MAGOH: variants seen among roughly 807,000 people sequenced by gnomAD.
MAGOH encodes protein mago nashi homolog.
In MAGOH, 3 loss-of-function variants were observed where a neutral mutation model predicts 20.9. The ratio of observed to expected loss-of-function variants is 0.14; its 90% confidence interval spans 0.07 to 0.37. The LOEUF (loss-of-function observed/expected upper bound fraction) is 0.37. Ranked by LOEUF, MAGOH falls within the 10% of genes least tolerant of loss-of-function variation. MAGOH has a pLI of 1.00. For missense variants in MAGOH, 66 were observed against 178.1 expected, an observed-to-expected ratio of 0.37 and a Z score of 3.58; for synonymous variants, 51 against 61.0, an observed-to-expected ratio of 0.84 and a Z score of 0.76.
At chr1:53,237,366 C>T (rs186822943) in intron 1 of MAGOH, among the ~76,000 whole-genome samples, 1 of 151,670 alleles carries the variant, frequency 6.6e-6, no homozygotes, top group African/African-American at 2.4e-5. Context: ...GATCACATTT[C>T]TTCTCTGCTT....
At position 53,232,829 on chromosome 1, in the gene MAGOH, G is replaced by A. The variant is rs114407886; in HGVS notation, c.258+713C>T. 2.9e-3 allele frequency among the ~76,000 whole-genome samples: 449 copies of A among 152,322 alleles called. 3 individuals are homozygous for A. Among genetic ancestry groups the A allele is most frequent in the African/African-American group, 0.011 (437 of 41,568 alleles). Reference sequence around the variant, plus strand: ...TTTAAAGATCAGACCAGTAGGATGCGGCGGCTTACGCCTGTAACCACAGCA... The same window carrying A: ...TTTAAAGATCAGACCAGTAGGATGCAGCGGCTTACGCCTGTAACCACAGCA... On this transcript the variant is annotated intron_variant, in intron 3 of 4. Coordinates refer to ENST00000371470, the MANE Select transcript of MAGOH (RefSeq NM_002370.4).
Position 53,227,169 on chromosome 1 carries a change from T to C in MAGOH, c.342-25A>G, listed in dbSNP as rs768487401. The C allele has an allele frequency of 3.5e-6, 5 of 1,435,238 alleles. No individual in the cohort carries two copies. The African/African-American group carries it at 7.2e-5, about 21-fold the overall frequency. 88.9% of individuals were successfully genotyped at this position (1,435,238 alleles called of 1,614,324 possible). ...CCTAAAATACAAAAGGAAAAAAGTTTAGGCATTAAAACTTTGACCCATCAA... is the reference window on the plus strand; with the variant it reads ...CCTAAAATACAAAAGGAAAAAAGTTCAGGCATTAAAACTTTGACCCATCAA... On this transcript the variant is annotated intron_variant, in intron 4 of 4. Transcript: ENST00000371470.
chr1:53,236,475 C>T (rs1645611005), intron 1 of MAGOH, among the ~76,000 whole-genome samples: 1 of 152,244 alleles, frequency 6.6e-6, no homozygotes, highest in African/African-American at 2.4e-5. Context: ...ATTCTTCTCT[C>T]ACACAGCTGA....
chr1:53,235,454 A>G, intron 2 of MAGOH, 123 bp downstream of exon 2: 1 of 800,170 alleles, frequency 1.2e-6, no homozygotes, highest in Non-Finnish European at 2.1e-6. Context: ...GAAGCTGTCT[A>G]CAGACATGTG....
In MAGOH at chr1:53,228,865, C is replaced by T; in HGVS notation, c.341+7G>A. The T allele has an allele frequency of 6.3e-7, 1 of 1,594,424 alleles. No homozygotes were observed. Among genetic ancestry groups the T allele is most frequent in the Non-Finnish European group, 8.6e-7 (1 of 1,162,186 alleles). On this transcript the variant is annotated splice_region_variant and intron_variant, in intron 4 of 4. Transcript: ENST00000371470. Reference sequence around the variant, plus strand: ...CACAACTGGATATAAGGATCATGCACACTTACTTGGATTGATTGACATCAA... The same window carrying T: ...CACAACTGGATATAAGGATCATGCATACTTACTTGGATTGATTGACATCAA...
At chr1:53,232,593 G>A (rs1450727633) in intron 3 of MAGOH, among the ~76,000 whole-genome samples, 2 of 152,200 alleles carry the variant, frequency 1.3e-5, no homozygotes, top group Non-Finnish European at 2.9e-5. Context: ...TAAAGTTAAA[G>A]GAAGAATATT....
intron 3 of MAGOH, 62 bp downstream of exon 3, chr1:53,233,480 A>C (rs1645596108): frequency 1.8e-6 from 2 of 1,107,316 alleles, no homozygotes; most frequent in Middle Eastern, 4.0e-4. Flanking sequence ...TAAGTGGAGG[A>C]GGGAGTGTGG....
rs1448534219 is a variant in MAGOH, at chr1:53,237,146, A to C, written c.88+1215T>G. 1.6e-4 allele frequency among the ~76,000 whole-genome samples: 24 copies of C among 148,796 alleles called. No homozygotes were observed. The Admixed American group carries it at 1.6e-3, about 10-fold the overall frequency. ...GTATTTTTAGTAGAGGCGGGGTTTC[A>C]CCATGTTGGCCAGGCTGGTCTTGAA... On this transcript the variant is annotated intron_variant, in intron 1 of 4. Transcript: ENST00000371470.
At chr1:53,228,196 C>T (rs1251520214) in intron 4 of MAGOH, among the ~76,000 whole-genome samples, 1 of 152,112 alleles carries the variant, frequency 6.6e-6, no homozygotes, top group Non-Finnish European at 1.5e-5. Context: ...CTTTGGGAGG[C>T]CGAGGCAGGC....
At chr1:53,236,920 TCTA>T (rs1645612968) in intron 1 of MAGOH, among the ~76,000 whole-genome samples, 1 of 151,760 alleles carries the variant, frequency 6.6e-6, no homozygotes, top group Non-Finnish European at 1.5e-5. Context: ...TCTCTCCATT[TCTA>T]CTATCTCTGT....
intron 3 of MAGOH, among the ~76,000 whole-genome samples, chr1:53,231,147 T>TC (rs1645584472): frequency 6.6e-6 from 1 of 152,248 alleles, no homozygotes. Context: ...ATCTCACTGT[T>TC]GTCCTTTCAT....
At position 53,233,632 on chromosome 1, in the gene MAGOH, C is replaced by T; in HGVS notation, c.168G>A (p.Val56=). Reference sequence around the variant, plus strand: ...CAATTATTCTCTTCAGTTCCTCCATCACGCTTTTATGTACATAAGCCTGAA... The same window carrying T: ...CAATTATTCTCTTCAGTTCCTCCATTACGCTTTTATGTACATAAGCCTGAA... ...IRKEAYVHKS[V]MEELKRIIDD... The change falls in exon 3 of 5, where the codon GTG becomes GTA. Residue 56 remains valine (V), a synonymous_variant. Transcript: ENST00000371470. 6.2e-7 allele frequency: 1 copy of T among 1,613,634 alleles called. No individual in the cohort carries two copies. The highest frequency in any genetic ancestry group is 1.1e-5 in the South Asian group (1 of 91,064).
At chr1:53,237,854 T>C (rs1203697220) in intron 1 of MAGOH, among the ~76,000 whole-genome samples, 2 of 151,932 alleles carry the variant, frequency 1.3e-5, no homozygotes, top group Non-Finnish European at 2.9e-5. Context: ...CCTGCAGCCT[T>C]GACATCTGGT....
Position 53,228,973 on chromosome 1 carries a change from A to G in MAGOH, c.259-19T>C. The G allele has an allele frequency of 1.3e-6, 2 of 1,539,030 alleles. No individual in the cohort carries two copies. Among genetic ancestry groups the G allele is most frequent in the Non-Finnish European group, 1.8e-6 (2 of 1,112,136 alleles). On this transcript the variant is annotated intron_variant, in intron 3 of 4. Coordinates refer to ENST00000371470, the MANE Select transcript of MAGOH (RefSeq NM_002370.4). Reference sequence around the variant, plus strand: ...CAAGCTCCTAGAAACATTTTAGAAAATCGAAGTCAAGTAGAATTGGATTAT... The same window carrying G: ...CAAGCTCCTAGAAACATTTTAGAAAGTCGAAGTCAAGTAGAATTGGATTAT...
At position 53,228,855 on chromosome 1, in the gene MAGOH, G is replaced by A. The variant is rs1174519808; in HGVS notation, c.341+17C>T. On this transcript the variant is annotated intron_variant, in intron 4 of 4. Transcript: ENST00000371470. ...CCAAAACAGACACAACTGGATATAAGGATCATGCACACTTACTTGGATTGA... is the reference window on the plus strand; with the variant it reads ...CCAAAACAGACACAACTGGATATAAAGATCATGCACACTTACTTGGATTGA... 6.4e-7 allele frequency: 1 copy of A among 1,570,156 alleles called. No homozygotes were observed. The highest frequency in any genetic ancestry group is 8.8e-7 in the Non-Finnish European group (1 of 1,140,354).
At chr1:53,229,169 T>C (rs1645574190) in intron 3 of MAGOH, among the ~76,000 whole-genome samples, 2 of 151,886 alleles carry the variant, frequency 1.3e-5, no homozygotes, top group African/African-American at 4.8e-5. Context: ...GGCCCTACCA[T>C]TTCTCAGATT....
intron 4 of MAGOH, 111 bp from the exon 5 acceptor site, chr1:53,227,255 T>A: frequency 2.0e-6 from 1 of 508,792 alleles, no homozygotes; most frequent in Non-Finnish European, 3.5e-6. Flanking sequence ...AATTTAAATA[T>A]GCTGAGTTTT....
rs374512490 is a variant in MAGOH, at chr1:53,228,289, G to T, written c.341+583C>A. ...TACTAAAAATACAAAAAAATTAGCC[G>T]GGTGTGGTGGCAGGTGCCTGTAGTC... On this transcript the variant is annotated intron_variant, in intron 4 of 4. Coordinates refer to ENST00000371470, the MANE Select transcript of MAGOH (RefSeq NM_002370.4). Among the ~76,000 whole-genome samples, 6 of 152,114 alleles carry T rather than the reference G, an allele frequency of 3.9e-5. No individual in the cohort carries two copies. The South Asian group carries it at 1.2e-3, about 32-fold the overall frequency.
chr1:53,233,523 G>T lies in MAGOH; in HGVS notation c.258+19C>A, dbSNP rs750088863. ...TATTTGTAAGATTTCTGCACTACAG[G>T]ATAATCAATAAAACACACCTGCCGG... On this transcript the variant is annotated intron_variant, in intron 3 of 4. Coordinates refer to ENST00000371470, the MANE Select transcript of MAGOH (RefSeq NM_002370.4). 2.0e-5 allele frequency: 31 copies of T among 1,570,224 alleles called. No homozygotes were observed. The highest frequency in any genetic ancestry group is 3.4e-5 in the Admixed American group (2 of 59,646).
Sources: gnomAD v4.1 joint callset for allele counts (sites outside exome capture counted in the v4.1 genomes callset) on GRCh38, gnomAD v4.1.1 for gene constraint, MANE v1.5 for transcripts, NCBI Gene and HGNC (gene_info 2026-07-23, HGNC 2026-07-21) for gene names.